Variants in SHBG observed in about 807,000 individuals in gnomAD.
The protein encoded by SHBG is sex hormone binding globulin.
In SHBG, 37 loss-of-function variants were observed where a neutral mutation model predicts 41.9. The observed-to-expected ratio is 0.88, with a 90% CI of 0.68 to 1.16. SHBG has a LOEUF of 1.16. SHBG is among the 50% of genes most tolerant of loss of function. The pLI is 0.00. For missense variants in SHBG, 466 were observed against 499.9 expected (o/e 0.93, Z 0.65); for synonymous variants, 217 against 205.8 (o/e 1.05, Z -0.47).
rs566066937 is a variant in SHBG at position 7,631,265 on chromosome 17, G to C, written c.459G>C (p.Leu153=). ...TGGATGGGGAGGAGGTGCTGCGCCT[G>C]AGACAGGTCTCTGGGCCCCTGACCA... ...LEVDGEEVLR[L]RQVSGPLTSK... is the part of the protein sequence containing the mutation. The change falls in exon 4 of 8, where the codon CTG becomes CTC. Residue 153 remains leucine (L), a synonymous_variant. Coordinates refer to ENST00000380450, the MANE Select transcript of SHBG (RefSeq NM_001040.5). The C allele has an allele frequency of 9.6e-5, 154 of 1,611,920 alleles. 1 individual carries two copies. The South Asian group carries it at 1.6e-3, about 17-fold the overall frequency.
chr17:7,626,940 T>C (rs774805709), upstream of SHBG: 8 of 1,613,496 alleles, frequency 5.0e-6, no homozygotes, highest in Non-Finnish European at 2.5e-6. Context: ...TTCTGCCCAG[T>C]ACCCCGATAT....
upstream of SHBG, among the ~76,000 whole-genome samples, chr17:7,629,818 G>C (rs533729749): frequency 6.6e-6 from 1 of 152,276 alleles, no homozygotes; most frequent in South Asian, 2.1e-4. Flanking sequence ...ACTGTTTCTA[G>C]ACCTCAGGCC....
chr17:7,626,943 C>T, upstream of SHBG: 1 of 1,613,584 alleles, frequency 6.2e-7, no homozygotes, highest in South Asian at 1.1e-5. Context: ...TGCCCAGTAC[C>T]CCGATATTCC....
At chr17:7,616,451 CAAAAAAAAAAA>C (rs71159512) in intron 1 of SHBG, among the ~76,000 whole-genome samples, 3 of 101,540 alleles carry the variant, frequency 3.0e-5, no homozygotes, top group Non-Finnish European at 5.3e-5. Context: ...ACTAAAAATA[CAAAAAAAAAAA>C]AAAAAAAAAA....
chr17:7,620,292 C>G (rs1347346735), intron 1 of SHBG, among the ~76,000 whole-genome samples: 1 of 152,050 alleles, frequency 6.6e-6, no homozygotes, highest in Non-Finnish European at 1.5e-5. Context: ...ATAGTGAGAC[C>G]TAGTCTCCAA....
At chr17:7,627,860 C>T (rs1431580857), upstream of SHBG, 1 of 652,926 alleles carries the variant, frequency 1.5e-6, no homozygotes, top group South Asian at 1.7e-5. This position sits in a 1 kb window ranked among gnomAD's most constrained non-coding sequence, Gnocchi z 4.8. Flanking sequence ...GGGCATAGCC[C>T]CACCCCCTCG....
chr17:7,631,806 C>G, intron 5 of SHBG, 58 bp downstream of exon 5: 3 of 1,612,586 alleles, frequency 1.9e-6, no homozygotes, highest in Admixed American at 1.7e-5. Flanking sequence ...GCCTCTGTCC[C>G]CCTCTACCAC....
chr17:7,620,299 C>G (rs2072067736), intron 1 of SHBG, among the ~76,000 whole-genome samples: 1 of 151,982 alleles, frequency 6.6e-6, no homozygotes, highest in Non-Finnish European at 1.5e-5. Context: ...GACCTAGTCT[C>G]CAATAAAAAA....
upstream of SHBG, among the ~76,000 whole-genome samples, chr17:7,629,547 C>G (rs1241774699): frequency 6.6e-6 from 1 of 152,098 alleles, no homozygotes; most frequent in Non-Finnish European, 1.5e-5. Context: ...CAGACAATAC[C>G]TTCTTGGGAG....
In SHBG at chr17:7,633,294, A is replaced by C. The variant is rs1328092454; in HGVS notation, c.1151A>C (p.Glu384Ala). Reference protein sequence around the residue: ...DVDQALNRSHEIWTHSCPQSP... With the variant: ...DVDQALNRSHAIWTHSCPQSP... ...GACCAGGCCCTGAACAGAAGCCATG[A>C]GATCTGGACTCACAGCTGCCCCCAG... The change falls in exon 8 of 8, where the codon GAG becomes GCG. Residue 384 changes from glutamate (E) to alanine (A), a missense_variant. Transcript: ENST00000380450. 6.2e-7 allele frequency: 1 copy of C among 1,614,090 alleles called. No homozygotes were observed. The highest frequency in any genetic ancestry group is 8.5e-7 in the Non-Finnish European group (1 of 1,180,044).
At chr17:7,615,853 A>G (rs1233990542) in intron 1 of SHBG, among the ~76,000 whole-genome samples, 1 of 149,038 alleles carries the variant, frequency 6.7e-6, no homozygotes, top group Non-Finnish European at 1.5e-5. Flanking sequence ...AAAAAAAGAA[A>G]GAAAGAATAG....
chr17:7,630,321 T>C lies in SHBG; in HGVS notation c.111+38T>C. On this transcript the variant is annotated intron_variant, in intron 1 of 7. Transcript: ENST00000380450. The surrounding 1 kb of genome is among the most constrained non-coding windows in gnomAD (Gnocchi z 4.6). ...GACAGGGCACTCAGCTCATGCAGTC[T>C]TCCCTTCTCTCCTCTGGCCCTGTAG... is the stretch of plus-strand genomic sequence containing the variant. The C allele has an allele frequency of 6.3e-7, 1 of 1,593,124 alleles. No individual in the cohort carries two copies. Among genetic ancestry groups the C allele is most frequent in the Non-Finnish European group, 8.6e-7 (1 of 1,161,252 alleles).
chr17:7,633,204 G>A lies in SHBG; in HGVS notation c.1061G>A (p.Gly354Glu), dbSNP rs1158936532. The stretch of plus-strand genomic sequence containing the variant: ...CCACCTTTGCACTACCTCCCTCTAG[G>A]AGAAGACTCTTCCACCTCTTTTTGC... ...QGRLFLGALP[G>E]EDSSTSFCLN... The change falls in exon 8 of 8, where the codon GGA becomes GAA. Residue 354 changes from glycine (G) to glutamate (E), a missense_variant and splice_region_variant. Gly to Glu is a moderately conservative substitution (Grantham distance 98, BLOSUM62 -2). Coordinates refer to ENST00000380450, the MANE Select transcript of SHBG (RefSeq NM_001040.5). 6.2e-7 allele frequency: 1 copy of A among 1,614,134 alleles called. No homozygotes were observed. Among genetic ancestry groups the A allele is most frequent in the Admixed American group, 1.7e-5 (1 of 60,014 alleles).
At chr17:7,631,857 G>A (rs1301516092) in intron 5 of SHBG, 22 bp from the exon 6 acceptor site, 3 of 1,614,004 alleles carry the variant, frequency 1.9e-6, no homozygotes, top group Non-Finnish European at 2.5e-6. Flanking sequence ...TGAGGCCTCA[G>A]GATAATCATT....
At position 7,618,234 on chromosome 17, in the gene SHBG, T is replaced by C. The variant is rs987037851; in HGVS notation, c.-62+4123T>C. Among the ~76,000 whole-genome samples the C allele has an allele frequency of 2.0e-5, 3 of 149,350 alleles. No homozygotes were observed. The East Asian group carries it at 6.2e-4, about 31-fold the overall frequency. On this transcript the variant is annotated intron_variant, in intron 1 of 5. Coordinates refer to the SHBG transcript ENST00000570547. ...AAAGATTCTGTCTCAAAAAAAAAAATTATTTCCAACCTCGTTTCCTATACC... is the reference window on the plus strand; with the variant it reads ...AAAGATTCTGTCTCAAAAAAAAAAACTATTTCCAACCTCGTTTCCTATACC...
upstream of SHBG, among the ~76,000 whole-genome samples, chr17:7,628,452 CT>C (rs1223504448): frequency 2.2e-5 from 3 of 138,148 alleles, no homozygotes; most frequent in Admixed American, 7.2e-5. Context: ...TTTTTCTTCT[CT>C]TTTTTTTTGT....
chr17:7,618,447 TTTTTG>T (rs898913419), intron 1 of SHBG, among the ~76,000 whole-genome samples: 8 of 5,424 alleles, frequency 1.5e-3, no homozygotes, highest in Non-Finnish European at 1.8e-3. Context: ...AGGTTTGTTT[TTTTTG>T]TTTTTGTTTT....
In SHBG at chr17:7,633,325, A is replaced by G. The variant is rs376669923; in HGVS notation, c.1182A>G (p.Pro394=). 11 of 1,614,108 alleles carry G rather than the reference A, an allele frequency of 6.8e-6. No homozygotes were observed. Among genetic ancestry groups the G allele is most frequent in the Middle Eastern group, 1.6e-4 (1 of 6,084 alleles). ...EIWTHSCPQS[P]GNGTDASH ...GGACTCACAGCTGCCCCCAGAGCCC[A>G]GGCAATGGCACTGACGCTTCCCATT... Residue 394 remains proline (P), a synonymous_variant, in exon 8 of 8, where the codon CCA becomes CCG. Transcript: ENST00000380450.
rs1356058004 is a variant in SHBG, at chr17:7,633,228, G to T, written c.1085G>T (p.Cys362Phe). The T allele has an allele frequency of 2.5e-6, 4 of 1,613,888 alleles. No individual in the cohort carries two copies. In the Admixed American group the frequency reaches 6.7e-5, roughly 27 times the overall value. Residue 362 changes from cysteine (C) to phenylalanine (F), a missense_variant, in exon 8 of 8, where the codon TGC becomes TTC. Cys to Phe is a radical substitution (Grantham distance 205). Transcript: ENST00000380450. ...GGAGAAGACTCTTCCACCTCTTTTT[G>T]CCTGAATGGCCTTTGGGCACAAGGT... ...LPGEDSSTSF[C>F]LNGLWAQGQR...
Sources: allele counts gnomAD v4.1 joint callset (sites outside exome capture counted in the v4.1 genomes callset), GRCh38; gene constraint gnomAD v4.1.1; non-coding constraint Gnocchi (gnomAD v3.1); transcripts MANE v1.5; gene names NCBI Gene and HGNC (gene_info 2026-07-23, HGNC 2026-07-21).